ADAMTS2: variants seen among roughly 807,000 people sequenced by gnomAD.
The protein encoded by ADAMTS2 is A disintegrin and metalloproteinase with thrombospondin motifs 2.
ADAMTS2 carries 50 observed loss-of-function variants against 123.0 expected under a neutral mutation model. That is an observed-to-expected ratio of 0.41 (90% CI 0.32 to 0.51). ADAMTS2 has a LOEUF of 0.51. Ranked by LOEUF, ADAMTS2 falls within the 20% of genes least tolerant of loss-of-function variation. The pLI is 0.35. For synonymous variants in ADAMTS2, 678 were observed against 695.4 expected (o/e 0.98, Z 0.39); for missense variants, 1,494 against 1,705.2 (o/e 0.88, Z 2.18).
intron 2 of ADAMTS2, among the ~76,000 whole-genome samples, chr5:179,322,307 C>T (rs766998228): frequency 1.5e-4 from 23 of 152,214 alleles, no homozygotes; most frequent in African/African-American, 5.5e-4. Context: ...GATGCACCCA[C>T]GGCCCGTGCC....
rs1319358727 is a variant in ADAMTS2 at position 179,343,938 on chromosome 5, G to A, written c.363C>T (p.His121=). ...GGCGGGCGTTGGGCCGCAGCCGCAG[G>A]TGCAGGTCTCGGCCAAAGACCGTGA... The part of the protein sequence containing the change: ...YNVTVFGRDL[H]LRLRPNARLV... The change falls in exon 2 of 22, where the codon CAC becomes CAT. Residue 121 remains histidine, a synonymous_variant. Transcript: ENST00000251582. The A allele has an allele frequency of 6.2e-7, 1 of 1,610,792 alleles. No homozygotes were observed. The highest frequency in any genetic ancestry group is 2.2e-5 in the East Asian group (1 of 44,782).
chr5:179,206,738 G>C (rs1199012807), intron 4 of ADAMTS2, among the ~76,000 whole-genome samples: 2 of 152,226 alleles, frequency 1.3e-5, no homozygotes, highest in Non-Finnish European at 2.9e-5. Context: ...ACATGAGGCA[G>C]AGAGAGGAAA....
At chr5:179,144,183 A>G (rs922659826) in intron 10 of ADAMTS2, among the ~76,000 whole-genome samples, 3 of 152,226 alleles carry the variant, frequency 2.0e-5, no homozygotes, top group Middle Eastern at 3.2e-3. Flanking sequence ...TCCATTTACA[A>G]TAGCACCAAA....
rs766000231 is a variant in ADAMTS2, at chr5:179,154,795, C to T, written c.1238+19G>A. The T allele has an allele frequency of 6.3e-7, 1 of 1,593,698 alleles. No individual in the cohort carries two copies. The highest frequency in any genetic ancestry group is 1.7e-5 in the Admixed American group (1 of 57,462). ...CTAGGGTGGCCCCTCTGTGCCCCAC[C>T]CTTCCCCAGGCCACTTACACGTGGC... On this transcript the variant is annotated intron_variant, in intron 7 of 21. Coordinates refer to ENST00000251582, the MANE Select transcript of ADAMTS2 (RefSeq NM_014244.5).
chr5:179,122,977 A>C, intron 19 of ADAMTS2: 1 of 695,394 alleles, frequency 1.4e-6, no homozygotes, highest in Non-Finnish European at 2.4e-6. Flanking sequence ...AGGGACCCAC[A>C]TGCCTGTCTC....
chr5:179,338,404 G>A lies in ADAMTS2; in HGVS notation c.534+5363C>T, dbSNP rs33899. Among the ~76,000 whole-genome samples, 9 of 152,086 alleles carry A rather than the reference G, an allele frequency of 5.9e-5. No individual in the cohort carries two copies. The South Asian group carries it at 6.2e-4, about 11-fold the overall frequency. On this transcript the variant is annotated intron_variant, in intron 2 of 21. Coordinates refer to ENST00000251582, the MANE Select transcript of ADAMTS2 (RefSeq NM_014244.5). ...GTAGATGGTGTGGATGCTGCTCCCC[G>A]GACCCCCTCCTGAGGCTGGCCGCCG...
Position 179,158,222 on chromosome 5 carries a change from C to T in ADAMTS2, c.1132+501G>A, listed in dbSNP as rs1243667857. On this transcript the variant is annotated intron_variant, in intron 6 of 21. Transcript: ENST00000251582. This position sits in a 1 kb window ranked among gnomAD's most constrained non-coding sequence, Gnocchi z 5.0. ...CCTCGTGATCTACCTGCCTCCGACT[C>T]CCAAAGTGCTGGGATTACAGGTGTG... Among the ~76,000 whole-genome samples the T allele has an allele frequency of 2.6e-5, 4 of 152,214 alleles. No individual in the cohort carries two copies. In the East Asian group the frequency reaches 7.7e-4, roughly 29 times the overall value.
At chr5:179,217,471 G>A (rs950908199) in intron 3 of ADAMTS2, among the ~76,000 whole-genome samples, 3 of 152,296 alleles carry the variant, frequency 2.0e-5, no homozygotes, top group African/African-American at 4.8e-5. Context: ...AATGATGTTA[G>A]GACAACTGGT....
intron 21 of ADAMTS2, among the ~76,000 whole-genome samples, chr5:179,116,007 C>T (rs570552504): frequency 2.9e-4 from 44 of 151,898 alleles, no homozygotes; most frequent in Non-Finnish European, 5.1e-4. Context: ...ACCCCTGCAG[C>T]GTGAGCTTAG....
intron 3 of ADAMTS2, among the ~76,000 whole-genome samples, chr5:179,217,679 C>T (rs1388721487): frequency 9.7e-6 from 1 of 103,458 alleles, no homozygotes; most frequent in African/African-American, 3.5e-5. Flanking sequence ...CTGCCCCATC[C>T]CCTGTGAGCA....
At chr5:179,141,337 C>A (rs1199286167) in intron 10 of ADAMTS2, among the ~76,000 whole-genome samples, 1 of 152,150 alleles carries the variant, frequency 6.6e-6, no homozygotes, top group Admixed American at 6.5e-5. Context: ...AGCTTGAAAG[C>A]AGCTATAGAC....
At position 179,128,074 on chromosome 5, in the gene ADAMTS2, G is replaced by GTATT; in HGVS notation, c.2498_2501dup (p.Tyr834Ter). ...CATTCAGTGAGTCCTCATGGATCAT[G>GTATT]TATTTGTACGTCAGTGAGACCCGGG... is the stretch of plus-strand genomic sequence containing the variant. On this transcript the variant is annotated stop_gained and frameshift_variant, in exon 17 of 22. Transcript: ENST00000251582. LOFTEE classifies it high-confidence loss of function. The surrounding 1 kb of genome is among the most constrained non-coding windows in gnomAD (Gnocchi z 4.9). 6.2e-7 allele frequency: 1 copy of GTATT among 1,614,020 alleles called. No individual in the cohort carries two copies. Among genetic ancestry groups the GTATT allele is most frequent in the Non-Finnish European group, 8.5e-7 (1 of 1,180,040 alleles).
At chr5:179,338,415 T>C (rs1757680679) in intron 2 of ADAMTS2, among the ~76,000 whole-genome samples, 1 of 152,172 alleles carries the variant, frequency 6.6e-6, no homozygotes, top group African/African-American at 2.4e-5. Flanking sequence ...GACCCCCTCC[T>C]GAGGCTGGCC....
At chr5:179,327,479 C>T (rs1757346170) in intron 2 of ADAMTS2, among the ~76,000 whole-genome samples, 1 of 152,202 alleles carries the variant, frequency 6.6e-6, no homozygotes. Context: ...GTGCACTGCT[C>T]CCCAACCACA....
At position 179,248,636 on chromosome 5, in the gene ADAMTS2, C is replaced by A. The variant is rs144597076; in HGVS notation, c.688+24275G>T. 6.6e-5 allele frequency among the ~76,000 whole-genome samples: 10 copies of A among 152,080 alleles called. No homozygotes were observed. The East Asian group carries it at 1.9e-3, about 29-fold the overall frequency. Reference sequence around the variant, plus strand: ...ATAGACTTCAAGTCCAAAAATTTTACAACAAAGAACAGCATTATATATTGA... The same window carrying A: ...ATAGACTTCAAGTCCAAAAATTTTAAAACAAAGAACAGCATTATATATTGA... On this transcript the variant is annotated intron_variant, in intron 3 of 21. Transcript: ENST00000251582.
chr5:179,147,238 G>A (rs188547768), intron 10 of ADAMTS2, among the ~76,000 whole-genome samples: 34 of 152,214 alleles, frequency 2.2e-4, no homozygotes, highest in Non-Finnish European at 3.2e-4. Context: ...ATAGGCATGC[G>A]CCACCATGCC....
chr5:179,265,031 T>C (rs186352703), intron 3 of ADAMTS2, among the ~76,000 whole-genome samples: 2,833 of 147,576 alleles, frequency 0.019, 113 homozygotes, highest in African/African-American at 0.07. Context: ...GCATGCCGGG[T>C]GGGGCTGAGC....
intron 3 of ADAMTS2, among the ~76,000 whole-genome samples, chr5:179,235,530 C>A (rs968027986): frequency 3.9e-5 from 6 of 152,212 alleles, no homozygotes; most frequent in African/African-American, 7.2e-5. Flanking sequence ...ACTCACCTGG[C>A]CCCTTTGTCT....
At chr5:179,258,227 C>A (rs1002741795) in intron 3 of ADAMTS2, among the ~76,000 whole-genome samples, 1 of 152,168 alleles carries the variant, frequency 6.6e-6, no homozygotes, top group Non-Finnish European at 1.5e-5. Context: ...CAGACCTGAG[C>A]AGGCCATCAT....
Sources: gnomAD v4.1 joint callset for allele counts (sites outside exome capture counted in the v4.1 genomes callset) on GRCh38, gnomAD v4.1.1 for gene constraint, Gnocchi (gnomAD v3.1) non-coding constraint, MANE v1.5 for transcripts, NCBI Gene and HGNC (gene_info 2026-07-23, HGNC 2026-07-21) for gene names.